The following TRIP13 variants were observed in gnomAD, a reference collection of about 807,000 sequenced individuals.
The protein encoded by TRIP13 is pachytene checkpoint protein 2 homolog.
Under a neutral mutation model 54.4 loss-of-function variants are expected in TRIP13, and 25 were observed. That is an observed-to-expected ratio of 0.46 (90% CI 0.33 to 0.64). TRIP13 has a LOEUF of 0.64. TRIP13 is among the 30% of genes least tolerant of loss of function. The probability of loss-of-function intolerance (pLI) is 0.02; values close to 1 mark genes in which losing one functional copy is unlikely to be tolerated. For synonymous variants in TRIP13, 207 were observed against 207.8 expected, an observed-to-expected ratio of 1.00 and a Z score of 0.03; for missense variants, 373 against 534.2, an observed-to-expected ratio of 0.70 and a Z score of 2.97.
chr5:906,577 T>A (rs1754119499), intron 6 of TRIP13, among the ~76,000 whole-genome samples: 1 of 152,220 alleles, frequency 6.6e-6, no homozygotes, highest in Non-Finnish European at 1.5e-5. Context: ...GGAAGTCAGT[T>A]TCTCTCTGGC....
At position 917,669 on chromosome 5, in the gene TRIP13, C is replaced by G. The variant is rs1485308672; in HGVS notation, c.*566C>G. The G allele has an allele frequency of 6.6e-6, 1 of 152,182 alleles. No homozygotes were observed. Among genetic ancestry groups the G allele is most frequent in the South Asian group, 2.1e-4 (1 of 4,820 alleles). The allele number at this position is 152,182 out of a possible 1,614,324, so 9.4% of individuals were successfully genotyped here. ...TTATACCAACTGAGAAAAAAATGGTCGGTAAAGTGTTCTTTCATAATAAAT... is the reference window on the plus strand; with the variant it reads ...TTATACCAACTGAGAAAAAAATGGTGGGTAAAGTGTTCTTTCATAATAAAT... On this transcript the variant is annotated 3_prime_UTR_variant, in exon 13 of 13. Transcript: ENST00000166345.
chr5:893,963 C>T (rs974239833), intron 1 of TRIP13, among the ~76,000 whole-genome samples: 6 of 152,186 alleles, frequency 3.9e-5, no homozygotes, highest in African/African-American at 9.7e-5. Flanking sequence ...ACAACCACAC[C>T]TGGGCCCAGA....
At position 904,235 on chromosome 5, in the gene TRIP13, T is replaced by C. The variant is rs1754057754; in HGVS notation, c.608+15T>C. The C allele has an allele frequency of 1.2e-6, 2 of 1,602,862 alleles. No individual in the cohort carries two copies. The highest frequency in any genetic ancestry group is 1.7e-5 in the Admixed American group (1 of 57,748). ...CTTTCAAGCAGGTAACTTTCGGTAA[T>C]CTGTGAGAGGAGAGCCATGGGAATG... is the stretch of plus-strand genomic sequence containing the variant. On this transcript the variant is annotated intron_variant, in intron 6 of 12. Transcript: ENST00000166345.
Position 893,092 on chromosome 5 carries a change from TGAGC to T in TRIP13, c.92+3_92+6del. On this transcript the variant is annotated splice_donor_5th_base_variant and intron_variant, in intron 1 of 12. Transcript: ENST00000166345. Reference sequence around the variant, plus strand: ...GGAGGTGCATCAGCGCGGCAGCAGGTGAGCCGGACCTGTCCGACACATCCTCTGG... The same window carrying T: ...GGAGGTGCATCAGCGCGGCAGCAGGTCGGACCTGTCCGACACATCCTCTGG... 6.3e-7 allele frequency: 1 copy of T among 1,589,364 alleles called. No homozygotes were observed. The highest frequency in any genetic ancestry group is 8.5e-7 in the Non-Finnish European group (1 of 1,173,978).
intron 5 of TRIP13, among the ~76,000 whole-genome samples, chr5:903,874 G>T (rs1754049673): frequency 6.6e-6 from 1 of 152,174 alleles, no homozygotes; most frequent in Non-Finnish European, 1.5e-5. Context: ...GAGACTGTAG[G>T]CCGAGAAGCT....
intron 6 of TRIP13, among the ~76,000 whole-genome samples, chr5:904,466 C>T (rs1754065671): frequency 6.6e-6 from 1 of 152,192 alleles, no homozygotes; most frequent in Non-Finnish European, 1.5e-5. Flanking sequence ...TACTTTCTCC[C>T]CTTGCTGGAT....
In TRIP13 at chr5:907,600, G is replaced by A. The variant is rs1287732155; in HGVS notation, c.673-388G>A. Among the ~76,000 whole-genome samples the A allele has an allele frequency of 6.6e-6, 1 of 152,236 alleles. No homozygotes were observed. Among genetic ancestry groups the A allele is most frequent in the Non-Finnish European group, 1.5e-5 (1 of 68,044 alleles). Reference sequence around the variant, plus strand: ...TGGCATCCGCACATCCCTCTGGTGAGGTGAGGTGGGACCAGGCACGCTGGG... The same window carrying A: ...TGGCATCCGCACATCCCTCTGGTGAAGTGAGGTGGGACCAGGCACGCTGGG... On this transcript the variant is annotated intron_variant, in intron 7 of 12. Transcript: ENST00000166345. This position sits in a 1 kb window ranked among gnomAD's most constrained non-coding sequence, Gnocchi z 4.1.
intron 3 of TRIP13, 126 bp from the exon 4 acceptor site, chr5:900,365 AATC>A: frequency 2.3e-6 from 2 of 872,048 alleles, no homozygotes; most frequent in South Asian, 3.4e-5. Context: ...ACTTTCCTGT[AATC>A]AGAATCATAG....
chr5:901,382 G>T lies in TRIP13; in HGVS notation c.486G>T (p.Lys162Asn). 6.2e-7 allele frequency: 1 copy of T among 1,614,170 alleles called. No individual in the cohort carries two copies. Among genetic ancestry groups the T allele is most frequent in the South Asian group, 1.1e-5 (1 of 91,078 alleles). Residue 162 changes from lysine to asparagine, a missense_variant, in exon 5 of 13, where the codon AAG (lysine) becomes AAT (asparagine). This residue lies in a region of TRIP13 where 119 missense variants were observed against 223.0 expected (regional missense o/e 0.53). Transcript: ENST00000166345. ...TGACAACTTTACTGTTTTCAGACAA[G>T]AACGTCAACAGCAACCTCATCACCT... is the stretch of plus-strand genomic sequence containing the variant. ...YVMTTLLFSD[K>N]NVNSNLITWN... is the part of the protein sequence containing the mutation.
chr5:896,606 GGTTGCAGTTAAGTGAGA>G (rs1167835574), intron 2 of TRIP13, 42 bp from the exon 3 acceptor site: 4 of 1,559,544 alleles, frequency 2.6e-6, no homozygotes, highest in Non-Finnish European at 2.6e-6. Flanking sequence ...TAATTTGTAT[GGTTGCAGTTAAGTGAGA>G]GTTGGAAATG....
rs958980210 is a variant in TRIP13 at position 892,956 on chromosome 5, G to A, written c.-43G>A. On this transcript the variant is annotated 5_prime_UTR_variant, in exon 1 of 13. Transcript: ENST00000166345. ...CGGCGACGCTGGGCGTGAGGTGGCG[G>A]CGGCCGCGCCCTGGTTGGGTCCCCA... The A allele has an allele frequency of 2.8e-6, 4 of 1,442,252 alleles. No homozygotes were observed. Among genetic ancestry groups the A allele is most frequent in the Middle Eastern group, 5.0e-4 (2 of 4,008 alleles). The allele number at this position is 1,442,252 out of a possible 1,614,324, so 89.3% of individuals were successfully genotyped here. A position where few individuals can be genotyped will look rare whatever the true frequency, so the allele number is the denominator to read the frequency against.
intron 9 of TRIP13, among the ~76,000 whole-genome samples, chr5:910,458 C>T (rs1754207544): frequency 6.6e-6 from 1 of 152,126 alleles, no homozygotes; most frequent in South Asian, 2.1e-4. Context: ...GCTTAGATGC[C>T]CGGGATGCCA....
In TRIP13 at chr5:916,995, G is replaced by T. The variant is rs58157086; in HGVS notation, c.1204-13G>T. On this transcript the variant is annotated splice_polypyrimidine_tract_variant and intron_variant, in intron 12 of 12. Transcript: ENST00000166345. ...GAGTTGAGCCCCTCCAGCAATGACC[G>T]TGTACCTTCTAGGCCCCCACCGTCA... 6.2e-7 allele frequency: 1 copy of T among 1,611,934 alleles called. No individual in the cohort carries two copies. The highest frequency in any genetic ancestry group is 1.1e-5 in the South Asian group (1 of 90,802).
rs1754244254 is a variant in TRIP13, at chr5:912,030, T to C, written c.1020+34T>C. On this transcript the variant is annotated intron_variant, in intron 10 of 12. Transcript: ENST00000166345. The surrounding 1 kb of genome is among the most constrained non-coding windows in gnomAD (Gnocchi z 7.2). ...ATTTTTTTTTTCCTCTTGATACAAA[T>C]GGATTTCTTATATGTTCTTAATTAA... 3.8e-6 allele frequency: 6 copies of C among 1,593,216 alleles called. No homozygotes were observed. Among genetic ancestry groups the C allele is most frequent in the African/African-American group, 1.4e-5 (1 of 73,256 alleles).
At position 900,480 on chromosome 5, in the gene TRIP13, T is replaced by C; in HGVS notation, c.389-14T>C. ...GCCTTCCTGAAATCAGGTCTTTGTT[T>C]AATTCTGTCACAGCTGAATTCCATG... On this transcript the variant is annotated splice_polypyrimidine_tract_variant and intron_variant, in intron 3 of 12. Coordinates refer to ENST00000166345, the MANE Select transcript of TRIP13 (RefSeq NM_004237.4). The C allele has an allele frequency of 6.2e-7, 1 of 1,613,632 alleles. No individual in the cohort carries two copies. Among genetic ancestry groups the C allele is most frequent in the South Asian group, 1.1e-5 (1 of 90,950 alleles).
intron 5 of TRIP13, among the ~76,000 whole-genome samples, chr5:902,004 G>A (rs934317953): frequency 1.5e-4 from 23 of 152,304 alleles, no homozygotes; most frequent in Non-Finnish European, 2.5e-4. Context: ...TGCCCCAAAC[G>A]TGGATAATAC....
chr5:912,275 G>A lies in TRIP13; in HGVS notation c.1020+279G>A, dbSNP rs1408738340. 6.6e-6 allele frequency among the ~76,000 whole-genome samples: 1 copy of A among 151,756 alleles called. No homozygotes were observed. The highest frequency in any genetic ancestry group is 2.4e-5 in the African/African-American group (1 of 41,292). On this transcript the variant is annotated intron_variant, in intron 10 of 12. Transcript: ENST00000166345. The surrounding 1 kb of genome is among the most constrained non-coding windows in gnomAD (Gnocchi z 7.2). The stretch of plus-strand genomic sequence containing the variant: ...GTAGGGGACGTCAGTGACCGGCTGT[G>A]TTTACCTGGCTGGCTGCACAAACCT...
intron 1 of TRIP13, 129 bp downstream of exon 1, chr5:893,219 T>C: frequency 2.1e-6 from 2 of 930,276 alleles, no homozygotes; most frequent in Admixed American, 2.8e-5. Context: ...CCGGCCCGAC[T>C]GGACCCGGGC....
chr5:900,740 T>A (rs1375871157), intron 4 of TRIP13, among the ~76,000 whole-genome samples, 191 bp downstream of exon 4: 1 of 152,142 alleles, frequency 6.6e-6, no homozygotes, highest in Non-Finnish European at 1.5e-5. Flanking sequence ...AGGAGCTCCC[T>A]GAGGGAGAAG....
Sources: allele counts gnomAD v4.1 joint callset (sites outside exome capture counted in the v4.1 genomes callset), GRCh38; gene constraint gnomAD v4.1.1; regional missense constraint gnomAD v4.1.1; non-coding constraint Gnocchi (gnomAD v3.1); transcripts MANE v1.5; gene names NCBI Gene and HGNC (gene_info 2026-07-23, HGNC 2026-07-21).